KIF18A: variants seen among roughly 807,000 people sequenced by gnomAD.
The protein encoded by KIF18A is kinesin-like protein KIF18A.
KIF18A carries 67 observed loss-of-function variants against 103.3 expected under a neutral mutation model. The observed-to-expected ratio is 0.65, with a 90% CI of 0.53 to 0.79. The LOEUF is 0.79. KIF18A is among the 30% of genes least tolerant of loss of function. The pLI is 0.00. For synonymous variants in KIF18A, 367 were observed against 355.5 expected (o/e 1.03, Z -0.36); for missense variants, 1,032 against 1,062.5 (o/e 0.97, Z 0.40).
At chr11:28,030,357 A>G (rs1261850131) in intron 15 of KIF18A, among the ~76,000 whole-genome samples, 4 of 151,972 alleles carry the variant, frequency 2.6e-5, no homozygotes. Context: ...AACAGAACAG[A>G]GCCCTCAGAA....
intron 6 of KIF18A, among the ~76,000 whole-genome samples, chr11:28,087,395 T>C (rs535333571): frequency 1.4e-4 from 21 of 152,372 alleles, no homozygotes; most frequent in African/African-American, 4.6e-4. Context: ...GCTTAATCCA[T>C]GTGCCTGTAA....
chr11:28,079,987 C>G, intron 9 of KIF18A, among the ~76,000 whole-genome samples: 2 of 152,182 alleles, frequency 1.3e-5, no homozygotes, highest in South Asian at 4.1e-4. Flanking sequence ...TGGTTTATAT[C>G]ACTGACAGAT....
chr11:28,031,769 T>G (rs1486613711), intron 15 of KIF18A, among the ~76,000 whole-genome samples: 3 of 151,840 alleles, frequency 2.0e-5, no homozygotes, highest in Non-Finnish European at 2.9e-5. Context: ...CAGCTGGTAC[T>G]ATCCTGAATG....
At chr11:28,040,414 T>C (rs1850543543) in intron 13 of KIF18A, among the ~76,000 whole-genome samples, 1 of 151,680 alleles carries the variant, frequency 6.6e-6, no homozygotes, top group African/African-American at 2.4e-5. Context: ...GGGAAAACAC[T>C]ATCTAACAAT....
intron 13 of KIF18A, among the ~76,000 whole-genome samples, chr11:28,047,858 A>G (rs974875509): frequency 6.6e-6 from 1 of 152,180 alleles, no homozygotes; most frequent in African/African-American, 2.4e-5. Context: ...TAAAATATGA[A>G]TATCTTCATA....
At chr11:28,053,198 A>G (rs928305221) in intron 13 of KIF18A, among the ~76,000 whole-genome samples, 1 of 152,220 alleles carries the variant, frequency 6.6e-6, no homozygotes, top group Non-Finnish European at 1.5e-5. Context: ...GGAAATTTGC[A>G]CACATTAGAT....
At chr11:28,031,563 G>A (rs1850409243) in intron 15 of KIF18A, among the ~76,000 whole-genome samples, 1 of 151,926 alleles carries the variant, frequency 6.6e-6, no homozygotes, top group East Asian at 1.9e-4. Flanking sequence ...GAAAGCATTA[G>A]GAGATATACC....
At chr11:28,036,816 AC>A (rs1361064743) in intron 13 of KIF18A, 152 bp from the exon 14 acceptor site, 24 of 509,574 alleles carry the variant, frequency 4.7e-5, no homozygotes, top group Non-Finnish European at 8.1e-5. Context: ...GGAAAATATC[AC>A]GGTTTACTGC....
chr11:28,026,208 G>T (rs1366182525), intron 15 of KIF18A, among the ~76,000 whole-genome samples: 1 of 151,740 alleles, frequency 6.6e-6, no homozygotes, highest in South Asian at 2.1e-4. Context: ...AAATCTGTTG[G>T]GTAGGTTTTG....
intron 13 of KIF18A, among the ~76,000 whole-genome samples, chr11:28,037,243 A>T (rs573137170): frequency 4.0e-5 from 6 of 151,652 alleles, no homozygotes; most frequent in Admixed American, 1.3e-4. Context: ...AACCAGTAAA[A>T]TTCTGGGTGA....
chr11:28,077,041 A>G lies in KIF18A; in HGVS notation c.1391T>C (p.Ile464Thr). The change falls in exon 10 of 17, where the codon ATA (isoleucine) becomes ACA (threonine). Residue 464 changes from isoleucine to threonine, a missense_variant. Transcript: ENST00000263181. ...SFYQQQCHKQ[I>T]EMMCSEDKVE... is the part of the protein sequence containing the mutation. The stretch of plus-strand genomic sequence containing the variant: ...TTTGTCTTCAGAACACATCATTTCT[A>G]TTTGTTTATGGCACTGTTGTTGGTA... 1 of 1,558,294 alleles carries G rather than the reference A, an allele frequency of 6.4e-7. No individual in the cohort carries two copies. The highest frequency in any genetic ancestry group is 1.2e-5 in the South Asian group (1 of 83,620).
In KIF18A at chr11:28,101,715, T is replaced by C. The variant is rs780538998; in HGVS notation, c.-46-3722A>G. The stretch of plus-strand genomic sequence containing the variant: ...GAGGGAAACAGATATTAATAAAATA[T>C]TGACACAAACATGTAAAGGTATAAC... On this transcript the variant is annotated intron_variant, in intron 1 of 16. Coordinates refer to ENST00000263181, the MANE Select transcript of KIF18A (RefSeq NM_031217.4). Among the ~76,000 whole-genome samples the C allele has an allele frequency of 3.3e-5, 5 of 152,292 alleles. No homozygotes were observed. The South Asian group carries it at 8.3e-4, about 25-fold the overall frequency.
rs749246727 is a variant in KIF18A, at chr11:28,062,514, T to C, written c.1593A>G (p.Glu531=). 2.1e-5 allele frequency: 33 copies of C among 1,608,696 alleles called. No individual in the cohort carries two copies. Among genetic ancestry groups the C allele is most frequent in the Middle Eastern group, 1.7e-4 (1 of 5,798 alleles). ...GGTGACAATGAAGATCTTTCTTGAG[T>C]TCCTAGGGCAAACAATACAAAATGT... ...LLSQNGHIPK[E]LKKDLHCHHL... Residue 531 remains glutamate (E), a splice_region_variant and synonymous_variant, in exon 12 of 17, where the codon GAA becomes GAG. Transcript: ENST00000263181.
intron 12 of KIF18A, 32 bp from the exon 13 acceptor site, chr11:28,059,193 T>G: frequency 3.4e-4 from 427 of 1,261,604 alleles, no homozygotes; most frequent in Non-Finnish European, 4.5e-4. Context: ...AAAGGAGAGA[T>G]AAATATGACA....
At chr11:28,064,996 C>T (rs1375578363) in intron 11 of KIF18A, among the ~76,000 whole-genome samples, 1 of 152,018 alleles carries the variant, frequency 6.6e-6, no homozygotes, top group African/African-American at 2.4e-5. Flanking sequence ...TAAAAACTTG[C>T]TTTGGTTGCA....
At chr11:28,049,883 G>A (rs764126211) in intron 13 of KIF18A, among the ~76,000 whole-genome samples, 2 of 151,460 alleles carry the variant, frequency 1.3e-5, no homozygotes, top group Middle Eastern at 3.4e-3. Context: ...TATAAGATAC[G>A]TAAACTTATC....
chr11:28,043,529 T>G (rs1423994190), intron 13 of KIF18A, among the ~76,000 whole-genome samples: 1 of 151,946 alleles, frequency 6.6e-6, no homozygotes, highest in Non-Finnish European at 1.5e-5. Flanking sequence ...ACCACAGAAG[T>G]TAATTAAATC....
chr11:28,097,795 G>T lies in KIF18A; in HGVS notation c.153C>A (p.Val51=). Residue 51 remains valine, a synonymous_variant, in exon 2 of 17, where the codon GTC becomes GTA. Coordinates refer to ENST00000263181, the MANE Select transcript of KIF18A (RefSeq NM_031217.4). Reference sequence around the variant, plus strand: ...TAGTTTTCTTTCCATGGAAAAAACTGACTTCTTCTTGTTTGGGATCAAAAA... The same window carrying T: ...TAGTTTTCTTTCCATGGAAAAAACTTACTTCTTCTTGTTTGGGATCAAAAA... ...ILVFDPKQEE[V]SFFHGKKTTN... 1 of 1,613,018 alleles carries T rather than the reference G, an allele frequency of 6.2e-7. No individual in the cohort carries two copies. The highest frequency in any genetic ancestry group is 1.1e-5 in the South Asian group (1 of 91,004).
Position 28,088,589 on chromosome 11 carries a change from C to A in KIF18A, c.832G>T (p.Gly278Cys), listed in dbSNP as rs753837911. ...SGAKGTRFVEGTNINRSLLAL... is the reference protein window; with the variant it reads ...SGAKGTRFVECTNINRSLLAL... ...AAAAGTGATCTATTAATATTTGTGCCTTCTACAAATCGGGTCCCCTTAGCA... is the reference window on the plus strand; with the variant it reads ...AAAAGTGATCTATTAATATTTGTGCATTCTACAAATCGGGTCCCCTTAGCA... The change falls in exon 6 of 17, where the codon GGC (glycine) becomes TGC (cysteine). Residue 278 changes from glycine to cysteine, a missense_variant. Physicochemically the swap from Gly to Cys is radical, Grantham distance 159 (BLOSUM62 -3). Transcript: ENST00000263181. 6.2e-7 allele frequency: 1 copy of A among 1,613,974 alleles called. No homozygotes were observed. The highest frequency in any genetic ancestry group is 1.1e-5 in the South Asian group (1 of 91,076).
Sources: gnomAD v4.1 joint callset for allele counts (sites outside exome capture counted in the v4.1 genomes callset) on GRCh38, gnomAD v4.1.1 for gene constraint, MANE v1.5 for transcripts, NCBI Gene and HGNC (gene_info 2026-07-23, HGNC 2026-07-21) for gene names.